The following PCDHGB5 variants were observed in gnomAD, a reference collection of about 807,000 sequenced individuals.
PCDHGB5 encodes the protein protocadherin gamma-B5.
A neutral mutation model predicts 62.9 loss-of-function variants in PCDHGB5; 48 were observed. The observed-to-expected ratio is 0.76, with a 90% confidence interval of 0.61 to 0.97. PCDHGB5 has a LOEUF of 0.97. Among genes scored for constraint, PCDHGB5 ranks in the 50% least tolerant of loss-of-function variants. The pLI, the probability that PCDHGB5 is intolerant of heterozygous loss-of-function variation, is 0.00. For synonymous variants in PCDHGB5, 474 were observed against 511.2 expected, an observed-to-expected ratio of 0.93 and a Z score of 0.98; for missense variants, 1,118 against 1,198.6, an observed-to-expected ratio of 0.93 and a Z score of 0.99.
intron 2 of PCDHGB5, among the ~76,000 whole-genome samples, chr5:141,501,057 C>T (rs185929124): frequency 9.7e-4 from 147 of 151,960 alleles, no homozygotes; most frequent in African/African-American, 3.4e-3. Context: ...TTAGTAGAGA[C>T]GGGGTTTCAC....
At chr5:141,481,191 C>A (rs1244434918) in intron 1 of PCDHGB5, among the ~76,000 whole-genome samples, 1 of 152,148 alleles carries the variant, frequency 6.6e-6, no homozygotes, top group Non-Finnish European at 1.5e-5. Context: ...GGGCCAGGCC[C>A]AATTTTTTTA....
rs70988802 is a variant in PCDHGB5 at position 141,450,006 on chromosome 5, C to CTATTTTTTTT, written c.2398-44800_2398-44799insATTTTTTTTT. ...CACATTGCATTTAGTTGCCATGTCTCTTTTTTTTTTTTTTTTTTGAGACAG... is the reference window on the plus strand; with the variant it reads ...CACATTGCATTTAGTTGCCATGTCTCTATTTTTTTTTTTTTTTTTTTTTTTTTTGAGACAG... On this transcript the variant is annotated intron_variant, in intron 1 of 3. Transcript: ENST00000617380. Among the ~76,000 whole-genome samples the CTATTTTTTTT allele has an allele frequency of 3.0e-5, 4 of 132,980 alleles. 1 individual carries two copies. The highest frequency in any genetic ancestry group is 5.6e-5 in the African/African-American group (2 of 35,572). 87.2% of individuals were successfully genotyped at this position (132,980 alleles called of 152,430 possible). A position where few individuals can be genotyped will look rare whatever the true frequency, so the allele number is the denominator to read the frequency against.
In PCDHGB5 at chr5:141,487,801, A is replaced by G. The variant is rs895741843; in HGVS notation, c.2398-7006A>G. The G allele has an allele frequency of 1.0e-5, 15 of 1,479,820 alleles. No individual in the cohort carries two copies. The highest frequency in any genetic ancestry group is 2.7e-6 in the Non-Finnish European group (3 of 1,095,672). The allele number at this position is 1,479,820 out of a possible 1,614,324, so 91.7% of individuals were successfully genotyped here. On this transcript the variant is annotated intron_variant, in intron 1 of 3. Coordinates refer to ENST00000617380, the MANE Select transcript of PCDHGB5 (RefSeq NM_018925.3). The surrounding 1 kb of genome is among the most constrained non-coding windows in gnomAD (Gnocchi z 5.0). ...GTTTCGTGAATTAACCAGAGTTGTC[A>G]CAGTTTAGCATTGGGGGCGGGTCAT... is the stretch of plus-strand genomic sequence containing the variant.
intron 1 of PCDHGB5, among the ~76,000 whole-genome samples, chr5:141,442,703 C>A (rs1405830887): frequency 6.6e-6 from 1 of 152,218 alleles, no homozygotes; most frequent in Admixed American, 6.5e-5. Flanking sequence ...ACAAGAGTAT[C>A]AGACATGCCA....
rs1409012917 is a variant in PCDHGB5 at position 141,512,928 on chromosome 5, T to A, written c.*1755T>A. On this transcript the variant is annotated 3_prime_UTR_variant, in exon 4 of 4. Transcript: ENST00000617380. ...CAAGTTTTATACTCTAATATTTATA[T>A]GGCTTTTTTTCTTCGACAAAAAAAT... is the stretch of plus-strand genomic sequence containing the variant. 1.3e-5 allele frequency: 2 copies of A among 152,190 alleles called. No individual in the cohort carries two copies. Among genetic ancestry groups the A allele is most frequent in the Non-Finnish European group, 2.9e-5 (2 of 68,044 alleles). The allele number at this position is 152,190 out of a possible 1,614,324, so 9.4% of individuals were successfully genotyped here.
At chr5:141,462,627 A>T (rs1200455153) in intron 1 of PCDHGB5, among the ~76,000 whole-genome samples, 1 of 150,276 alleles carries the variant, frequency 6.7e-6, no homozygotes, top group East Asian at 1.9e-4. Flanking sequence ...TAGAAGTTCC[A>T]TTTGACTCTT....
At chr5:141,422,724 G>A (rs560544401) in intron 1 of PCDHGB5, 9 of 1,606,016 alleles carry the variant, frequency 5.6e-6, no homozygotes, top group East Asian at 2.2e-5. Flanking sequence ...CTGTCCAGGG[G>A]GTGCCTCTGT....
At chr5:141,413,592 A>G in intron 1 of PCDHGB5, 1 of 1,613,916 alleles carries the variant, frequency 6.2e-7, no homozygotes, top group Non-Finnish European at 8.5e-7. Context: ...AATTCCAAGC[A>G]GAAAATCTAG....
chr5:141,409,941 G>T, intron 1 of PCDHGB5: 1 of 1,613,226 alleles, frequency 6.2e-7, no homozygotes, highest in South Asian at 1.1e-5. Flanking sequence ...ATGGTACCTC[G>T]CTCTGCAGAG....
chr5:141,476,574 G>A lies in PCDHGB5; in HGVS notation c.2398-18233G>A, dbSNP rs746783993. ...AGCGAGGCCGTGGCTCCGGGGACGC[G>A]CTTTCCGCTCGAGAGCGCGCACGAT... is the stretch of plus-strand genomic sequence containing the variant. On this transcript the variant is annotated intron_variant, in intron 1 of 3. Coordinates refer to ENST00000617380, the MANE Select transcript of PCDHGB5 (RefSeq NM_018925.3). The surrounding 1 kb of genome is among the most constrained non-coding windows in gnomAD (Gnocchi z 7.6). 40 of 1,614,084 alleles carry A rather than the reference G, an allele frequency of 2.5e-5. No homozygotes were observed. In the African/African-American group the frequency reaches 3.7e-4, roughly 15 times the overall value.
In PCDHGB5 at chr5:141,491,244, T is replaced by G. The variant is rs754328211; in HGVS notation, c.2398-3563T>G. The G allele has an allele frequency of 6.2e-6, 10 of 1,614,092 alleles. No homozygotes were observed. The South Asian group carries it at 1.1e-4, about 18-fold the overall frequency. ...CCACAGTGCTGCTGGTTCTGGAGGA[T>G]GAGGACCCTGAGGAAATGCCCAAAT... On this transcript the variant is annotated intron_variant, in intron 1 of 3. Transcript: ENST00000617380. This position sits in a 1 kb window ranked among gnomAD's most constrained non-coding sequence, Gnocchi z 6.9.
intron 2 of PCDHGB5, among the ~76,000 whole-genome samples, chr5:141,503,458 G>A (rs948221006): frequency 2.0e-5 from 3 of 152,018 alleles, no homozygotes; most frequent in Non-Finnish European, 4.4e-5. Flanking sequence ...CGCTGGGCAT[G>A]GTGGCATGTG....
At position 141,491,942 on chromosome 5, in the gene PCDHGB5, C is replaced by T. The variant is rs932715298; in HGVS notation, c.2398-2865C>T. 6.4e-5 allele frequency: 72 copies of T among 1,122,376 alleles called. No individual in the cohort carries two copies. Among genetic ancestry groups the T allele is most frequent in the Admixed American group, 3.5e-5 (1 of 28,738 alleles). 69.5% of individuals were successfully genotyped at this position (1,122,376 alleles called of 1,614,324 possible). A position where few individuals can be genotyped will look rare whatever the true frequency, so the allele number is the denominator to read the frequency against. ...GGCGAGGGGAGGTGGGACCGACCCC[C>T]ACCCCTACACTCAAAAAAGGCCGGG... is the stretch of plus-strand genomic sequence containing the variant. On this transcript the variant is annotated intron_variant, in intron 1 of 3. Transcript: ENST00000617380. The surrounding 1 kb of genome is among the most constrained non-coding windows in gnomAD (Gnocchi z 6.9).
intron 1 of PCDHGB5, among the ~76,000 whole-genome samples, chr5:141,474,029 C>T (rs1047673843): frequency 6.6e-6 from 1 of 152,092 alleles, no homozygotes; most frequent in Non-Finnish European, 1.5e-5. Context: ...ATGATTATTC[C>T]ACTGTACTCC....
At position 141,491,410 on chromosome 5, in the gene PCDHGB5, G is replaced by A. The variant is rs777207581; in HGVS notation, c.2398-3397G>A. The A allele has an allele frequency of 1.9e-6, 3 of 1,614,024 alleles. No homozygotes were observed. Among genetic ancestry groups the A allele is most frequent in the Admixed American group, 1.7e-5 (1 of 60,006 alleles). ...GTGCCTTCAGGGAAACGCAGACGGGGACGGGGGTGGAGGGCAGTGCTGCAG... is the reference window on the plus strand; with the variant it reads ...GTGCCTTCAGGGAAACGCAGACGGGAACGGGGGTGGAGGGCAGTGCTGCAG... On this transcript the variant is annotated intron_variant, in intron 1 of 3. Transcript: ENST00000617380. The surrounding 1 kb of genome is among the most constrained non-coding windows in gnomAD (Gnocchi z 6.9).
At position 141,489,314 on chromosome 5, in the gene PCDHGB5, G is replaced by C. The variant is rs374235290; in HGVS notation, c.2398-5493G>C. The stretch of plus-strand genomic sequence containing the variant: ...TGCATGTTGTCCTTGTGCTGCTGGG[G>C]CTGGGTGTCTGGGCAGCTTCGTTAC... On this transcript the variant is annotated intron_variant, in intron 1 of 3. Coordinates refer to ENST00000617380, the MANE Select transcript of PCDHGB5 (RefSeq NM_018925.3). This position sits in a 1 kb window ranked among gnomAD's most constrained non-coding sequence, Gnocchi z 4.5. 2 of 1,596,790 alleles carry C rather than the reference G, an allele frequency of 1.3e-6. No homozygotes were observed. The highest frequency in any genetic ancestry group is 2.2e-5 in the East Asian group (1 of 44,724).
intron 1 of PCDHGB5, chr5:141,421,585 G>A: frequency 1.2e-6 from 2 of 1,613,916 alleles, no homozygotes; most frequent in Non-Finnish European, 1.7e-6. Context: ...GATTTACGGA[G>A]TGGAGGTGGA....
chr5:141,465,454 T>A (rs1031876441), intron 1 of PCDHGB5, among the ~76,000 whole-genome samples: 1 of 152,184 alleles, frequency 6.6e-6, no homozygotes, highest in Non-Finnish European at 1.5e-5. Flanking sequence ...AAGAAAACTC[T>A]CACCAAATTG....
chr5:141,404,909 C>G, intron 1 of PCDHGB5: 1 of 1,613,916 alleles, frequency 6.2e-7, no homozygotes, highest in Non-Finnish European at 8.5e-7. Flanking sequence ...TGGCCAGCCC[C>G]CTCTCTCGGC....
Sources: gnomAD v4.1 joint callset for allele counts (sites outside exome capture counted in the v4.1 genomes callset) on GRCh38, gnomAD v4.1.1 for gene constraint, Gnocchi (gnomAD v3.1) non-coding constraint, MANE v1.5 for transcripts, NCBI Gene and HGNC (gene_info 2026-07-23, HGNC 2026-07-21) for gene names.